Variants in TBCD observed in about 807,000 individuals in gnomAD.
TBCD encodes tubulin folding cofactor D.
In TBCD, 105 loss-of-function variants were observed where a neutral mutation model predicts 169.3. The ratio of observed to expected loss-of-function variants is 0.62; its 90% CI spans 0.53 to 0.73. The LOEUF (loss-of-function observed/expected upper bound fraction) is 0.73. Among genes scored for constraint, TBCD ranks in the 30% least tolerant of loss-of-function variants. The probability of loss-of-function intolerance (pLI) is 0.00; values close to 1 mark genes in which losing one functional copy is unlikely to be tolerated. For missense variants in TBCD, 1,444 were observed against 1,600.1 expected (o/e 0.90, Z 1.66); for synonymous variants, 700 against 643.9 (o/e 1.09, Z -1.32).
intron 23 of TBCD, chr17:82,913,882 C>G (rs1289126429): frequency 6.6e-6 from 1 of 152,256 alleles, no homozygotes. Context: ...CAGGAGGAAA[C>G]CATGGAAAAA....
chr17:82,880,802 C>T lies in TBCD; in HGVS notation c.1476-3343C>T, dbSNP rs183181499. Among the ~76,000 whole-genome samples, 28 of 152,304 alleles carry T rather than the reference C, an allele frequency of 1.8e-4. No individual in the cohort carries two copies. Among genetic ancestry groups the T allele is most frequent in the African/African-American group, 5.3e-4 (22 of 41,568 alleles). On this transcript the variant is annotated intron_variant, in intron 14 of 38. Transcript: ENST00000355528. This position sits in a 1 kb window ranked among gnomAD's most constrained non-coding sequence, Gnocchi z 5.0. Reference sequence around the variant, plus strand: ...GGTCTGTCGGAGCATAGCAGTGGCCCGTACGTGAGGGACTTTGTTGTTGCC... The same window carrying T: ...GGTCTGTCGGAGCATAGCAGTGGCCTGTACGTGAGGGACTTTGTTGTTGCC...
rs531959507 is a variant in TBCD, at chr17:82,896,558, T to G, written c.1649+2926T>G. Among the ~76,000 whole-genome samples, 5 of 150,608 alleles carry G rather than the reference T, an allele frequency of 3.3e-5. No individual in the cohort carries two copies. The South Asian group carries it at 1.1e-3, about 32-fold the overall frequency. On this transcript the variant is annotated intron_variant, in intron 17 of 38. Coordinates refer to ENST00000355528, the MANE Select transcript of TBCD (RefSeq NM_005993.5). ...GCGGCTCCCTGCAGCCTCGACCTCT[T>G]GAGTTCAAGCGATCCTCCCACCTCA...
intron 13 of TBCD, among the ~76,000 whole-genome samples, chr17:82,843,149 A>C (rs1033047945): frequency 6.6e-6 from 1 of 151,756 alleles, no homozygotes; most frequent in African/African-American, 2.4e-5. Flanking sequence ...CTGATTCCTG[A>C]TTCTTTCTCT....
chr17:82,805,759 T>C, intron 9 of TBCD, 116 bp from the exon 10 acceptor site: 2 of 1,268,332 alleles, frequency 1.6e-6, no homozygotes, highest in Non-Finnish European at 2.2e-6. Context: ...CTCTGCAAAG[T>C]GCATGGAATT....
At chr17:82,810,143 C>T (rs1488091663) in intron 12 of TBCD, among the ~76,000 whole-genome samples, 2 of 152,218 alleles carry the variant, frequency 1.3e-5, no homozygotes, top group East Asian at 1.9e-4. Flanking sequence ...ATCACTCAGA[C>T]CTTGAAGTGA....
chr17:82,831,376 G>C lies in TBCD; in HGVS notation c.1318+16442G>C, dbSNP rs771100167. 3 of 1,614,182 alleles carry C rather than the reference G, an allele frequency of 1.9e-6. No individual in the cohort carries two copies. In the East Asian group the frequency reaches 6.7e-5, roughly 36 times the overall value. ...CGAAGGGTTTAACCTGGAAGGACTC[G>C]AGGCTGGATAGACCAGGGTGGCTTC... On this transcript the variant is annotated intron_variant, in intron 13 of 38. Transcript: ENST00000355528. The surrounding 1 kb of genome is among the most constrained non-coding windows in gnomAD (Gnocchi z 4.6).
chr17:82,858,089 T>A (rs2056468486), intron 13 of TBCD, among the ~76,000 whole-genome samples: 1 of 151,998 alleles, frequency 6.6e-6, no homozygotes, highest in African/African-American at 2.4e-5. Flanking sequence ...ACTTTTGTAT[T>A]TTTTTGTAGA....
intron 13 of TBCD, among the ~76,000 whole-genome samples, chr17:82,857,673 T>C (rs1598979506): frequency 6.6e-6 from 1 of 152,038 alleles, no homozygotes. Flanking sequence ...GTATGAAGCT[T>C]GTCGGAGTGT....
At chr17:82,788,442 A>G (rs772608101) in intron 7 of TBCD, among the ~76,000 whole-genome samples, 11 of 152,066 alleles carry the variant, frequency 7.2e-5, no homozygotes, top group Non-Finnish European at 5.9e-5. Flanking sequence ...GCTGTTGACT[A>G]TGAAAGTGGT....
At chr17:82,839,510 G>A (rs2054283395) in intron 13 of TBCD, among the ~76,000 whole-genome samples, 1 of 150,196 alleles carries the variant, frequency 6.7e-6, no homozygotes, top group African/African-American at 2.5e-5. Flanking sequence ...CAGCCCTAAT[G>A]TACATACACC....
At chr17:82,773,809 C>G (rs1409875522) in intron 6 of TBCD, among the ~76,000 whole-genome samples, 1 of 151,946 alleles carries the variant, frequency 6.6e-6, no homozygotes, top group East Asian at 1.9e-4. Flanking sequence ...TCACTGCAAG[C>G]TCTGCCTCCC....
chr17:82,821,579 A>G (rs1186893577), intron 13 of TBCD, among the ~76,000 whole-genome samples: 2 of 152,156 alleles, frequency 1.3e-5, no homozygotes, highest in South Asian at 2.1e-4. Context: ...GAAGCTCCCT[A>G]TGCAATCTTC....
chr17:82,921,131 A>T lies in TBCD; in HGVS notation c.2102-370A>T, dbSNP rs2061398472. Reference sequence around the variant, plus strand: ...TTTTTGTTAATTGAATAGCCTTCACATTTGTTGCTTGTGCAGGATCTAATT... The same window carrying T: ...TTTTTGTTAATTGAATAGCCTTCACTTTTGTTGCTTGTGCAGGATCTAATT... On this transcript the variant is annotated intron_variant, in intron 24 of 38. Coordinates refer to ENST00000355528, the MANE Select transcript of TBCD (RefSeq NM_005993.5). The T allele has an allele frequency of 1.7e-5, 5 of 297,774 alleles. No individual in the cohort carries two copies. The South Asian group carries it at 2.8e-4, about 17-fold the overall frequency. 18.4% of individuals were successfully genotyped at this position (297,774 alleles called of 1,614,324 possible).
chr17:82,863,711 G>A (rs1368146002), intron 13 of TBCD, among the ~76,000 whole-genome samples: 1 of 152,176 alleles, frequency 6.6e-6, no homozygotes, highest in Admixed American at 6.5e-5. Flanking sequence ...GTCTCAGACT[G>A]TAAGCCTCCT....
Position 82,831,122 on chromosome 17 carries a change from G to A in TBCD, c.1318+16188G>A. On this transcript the variant is annotated intron_variant, in intron 13 of 38. Transcript: ENST00000355528. The surrounding 1 kb of genome is among the most constrained non-coding windows in gnomAD (Gnocchi z 4.6). ...GTGAGGCTTTGCTCTGGCGGGTAGA[G>A]TCTTCCCAGTGCGCTGGAGGCTGCC... 2 of 1,614,180 alleles carry A rather than the reference G, an allele frequency of 1.2e-6. No homozygotes were observed. The highest frequency in any genetic ancestry group is 2.2e-5 in the East Asian group (1 of 44,880).
intron 13 of TBCD, among the ~76,000 whole-genome samples, chr17:82,863,553 C>T (rs2056944558): frequency 1.3e-5 from 2 of 152,178 alleles, no homozygotes; most frequent in South Asian, 4.1e-4. Context: ...AGGGTGCAGG[C>T]AGTGTGGTCC....
chr17:82,939,547 A>C (rs2062938903), intron 37 of TBCD, 71 bp downstream of exon 37: 2 of 1,241,834 alleles, frequency 1.6e-6, no homozygotes, highest in Non-Finnish European at 2.3e-6. Context: ...CACCGTGTCT[A>C]CTCGTCTCTC....
At position 82,807,641 on chromosome 17, in the gene TBCD, C is replaced by G; in HGVS notation, c.1121C>G (p.Thr374Arg). 6.4e-7 allele frequency: 1 copy of G among 1,551,798 alleles called. No homozygotes were observed. Among genetic ancestry groups the G allele is most frequent in the South Asian group, 1.2e-5 (1 of 81,564 alleles). ...CTGGTCGGGCTGAAGGACAAGGACACGGTCGTGCGGTGGTCTGCAGCCAAG... is the reference window on the plus strand; with the variant it reads ...CTGGTCGGGCTGAAGGACAAGGACAGGGTCGTGCGGTGGTCTGCAGCCAAG... ...QLLVGLKDKD[T>R]VVRWSAAKGI... Residue 374 changes from threonine (T) to arginine (R), a missense_variant, in exon 11 of 39, where the codon ACG becomes AGG. By Grantham distance (71) the Thr-to-Arg change is moderately conservative. Coordinates refer to ENST00000355528, the MANE Select transcript of TBCD (RefSeq NM_005993.5).
chr17:82,855,472 T>C (rs1463463989), intron 13 of TBCD, among the ~76,000 whole-genome samples: 1 of 151,862 alleles, frequency 6.6e-6, no homozygotes, highest in Admixed American at 6.6e-5. Context: ...CTCACTATGT[T>C]GCCCAGGCTG....
Sources: gnomAD v4.1 joint callset for allele counts (sites outside exome capture counted in the v4.1 genomes callset) on GRCh38, gnomAD v4.1.1 for gene constraint, Gnocchi (gnomAD v3.1) non-coding constraint, MANE v1.5 for transcripts, NCBI Gene and HGNC (gene_info 2026-07-23, HGNC 2026-07-21) for gene names.